Variants in EHD1 observed in about 807,000 individuals in gnomAD.
EHD1 encodes EH domain containing 1, also known as EH domain-containing protein 1.
In EHD1, 19 loss-of-function variants were observed where a neutral mutation model predicts 39.0. The ratio of observed to expected loss-of-function variants is 0.49; its 90% CI spans 0.34 to 0.72. EHD1 has a LOEUF of 0.72. Ranked by LOEUF, EHD1 falls within the 30% of genes least tolerant of loss-of-function variation. EHD1 has a pLI of 0.01. For missense variants in EHD1, 542 were observed against 751.5 expected (o/e 0.72, Z 3.26); for synonymous variants, 323 against 331.2 (o/e 0.98, Z 0.27).
intron 1 of EHD1, among the ~76,000 whole-genome samples, chr11:64,876,502 C>A (rs1297915410): frequency 6.6e-6 from 1 of 152,196 alleles, no homozygotes; most frequent in Non-Finnish European, 1.5e-5. Flanking sequence ...CATCAAAGCA[C>A]CGGTCTCGGA....
intron 2 of EHD1, among the ~76,000 whole-genome samples, chr11:64,872,247 G>A (rs531847121): frequency 6.6e-6 from 1 of 152,312 alleles, no homozygotes; most frequent in South Asian, 2.1e-4. Flanking sequence ...GATCACCTGA[G>A]GTCAGGAGTT....
intron 2 of EHD1, among the ~76,000 whole-genome samples, chr11:64,864,998 C>G (rs620066): frequency 0.75 from 114,073 of 152,242 alleles, 45,624 homozygotes; most frequent in Non-Finnish European, 0.89. Context: ...GAAGCCCTGC[C>G]CCACCTGCTC....
intron 2 of EHD1, among the ~76,000 whole-genome samples, chr11:64,869,232 C>T (rs971242624): frequency 6.6e-6 from 1 of 152,262 alleles, no homozygotes; most frequent in African/African-American, 2.4e-5. Context: ...GCGCGGGCAG[C>T]GCCTGGTACG....
chr11:64,874,633 C>T (rs976186211), intron 1 of EHD1, 115 bp from the exon 2 acceptor site: 5 of 813,086 alleles, frequency 6.1e-6, no homozygotes, highest in Middle Eastern at 2.7e-4. Context: ...TCTCCAGCAG[C>T]GGGGAACTGA....
At position 64,854,302 on chromosome 11, in the gene EHD1, G is replaced by T; in HGVS notation, c.*31C>A. The stretch of plus-strand genomic sequence containing the variant: ...CCCCGTCTCTGCCTCCCGGCCGGGC[G>T]TGCAAATGGCAGGTGCGGGGCCGGG... On this transcript the variant is annotated 3_prime_UTR_variant, in exon 5 of 5. Transcript: ENST00000320631. The T allele has an allele frequency of 6.4e-7, 1 of 1,570,290 alleles. No individual in the cohort carries two copies. The highest frequency in any genetic ancestry group is 8.6e-7 in the Non-Finnish European group (1 of 1,158,938).
intron 3 of EHD1, among the ~76,000 whole-genome samples, chr11:64,858,377 G>T (rs2136478444): frequency 6.6e-6 from 1 of 151,666 alleles, no homozygotes; most frequent in Admixed American, 6.6e-5. Flanking sequence ...TAGAGATGGG[G>T]TTTTGCCATG....
At position 64,869,865 on chromosome 11, in the gene EHD1, G is replaced by A. The variant is rs1211118262; in HGVS notation, c.502+4556C>T. ...CGGCATCTCCATCTCAGGAGGTGTC[G>A]GCAGGAAGTGGGGGCGGCCCACGGC... On this transcript the variant is annotated intron_variant, in intron 2 of 4. Coordinates refer to ENST00000320631, the MANE Select transcript of EHD1 (RefSeq NM_006795.4). Among the ~76,000 whole-genome samples the A allele has an allele frequency of 3.3e-5, 5 of 152,216 alleles. No individual in the cohort carries two copies. The South Asian group carries it at 8.3e-4, about 25-fold the overall frequency.
chr11:64,864,611 G>C (rs765095604), intron 2 of EHD1, among the ~76,000 whole-genome samples: 8 of 152,234 alleles, frequency 5.3e-5, no homozygotes, highest in Non-Finnish European at 1.5e-5. Context: ...ACGCAGGTCA[G>C]TACTGAAAAG....
Position 64,852,166 on chromosome 11 carries a change from A to T in EHD1, c.*2167T>A, listed in dbSNP as rs965477998. On this transcript the variant is annotated 3_prime_UTR_variant, in exon 5 of 5. Transcript: ENST00000320631. Reference sequence around the variant, plus strand: ...CTGCACCCTTTTATGAAGGGTCACTAATCAGTCACCCTTCCCTCTGCTGGT... The same window carrying T: ...CTGCACCCTTTTATGAAGGGTCACTTATCAGTCACCCTTCCCTCTGCTGGT... The T allele has an allele frequency of 6.6e-6, 1 of 152,234 alleles. No homozygotes were observed. Among genetic ancestry groups the T allele is most frequent in the African/African-American group, 2.4e-5 (1 of 41,440 alleles). 9.4% of individuals were successfully genotyped at this position (152,234 alleles called of 1,614,324 possible). A position where few individuals can be genotyped will look rare whatever the true frequency, so the allele number is the denominator to read the frequency against.
At chr11:64,870,237 G>A (rs149358123) in intron 2 of EHD1, among the ~76,000 whole-genome samples, 3 of 152,216 alleles carry the variant, frequency 2.0e-5, no homozygotes, top group Non-Finnish European at 2.9e-5. Context: ...GACCCAACAG[G>A]GGCAAAGGTC....
rs763144350 is a variant in EHD1, at chr11:64,860,271, C to T, written c.568G>A (p.Asp190Asn). The change falls in exon 3 of 5, where the codon GAC becomes AAC. Residue 190 changes from aspartate (D) to asparagine (N), a missense_variant. Coordinates refer to ENST00000320631, the MANE Select transcript of EHD1 (RefSeq NM_006795.4). ...ERVDRIILLF[D>N]AHKLDISDEF... ...TCGGAGATGTCCAGCTTGTGGGCGT[C>T]GAAGAGCAGGATGATGCGGTCCACA... 1 of 1,613,990 alleles carries T rather than the reference C, an allele frequency of 6.2e-7. No homozygotes were observed. The highest frequency in any genetic ancestry group is 1.1e-5 in the South Asian group (1 of 91,080).
At position 64,860,057 on chromosome 11, in the gene EHD1, G is replaced by A. The variant is rs137874978; in HGVS notation, c.782C>T (p.Pro261Leu). ...RVYIGSFWSH[P>L]LLIPDNRKLF... Reference sequence around the variant, plus strand: ...CTTGCGGTTGTCGGGGATGAGGAGCGGGTGGGACCAGAAGGAGCCGATGTA... The same window carrying A: ...CTTGCGGTTGTCGGGGATGAGGAGCAGGTGGGACCAGAAGGAGCCGATGTA... The change falls in exon 3 of 5, where the codon CCG (proline) becomes CTG (leucine). Residue 261 changes from proline to leucine, a missense_variant. Transcript: ENST00000320631. The A allele has an allele frequency of 4.3e-6, 7 of 1,614,154 alleles. No homozygotes were observed. The highest frequency in any genetic ancestry group is 2.2e-5 in the East Asian group (1 of 44,880).
intron 2 of EHD1, among the ~76,000 whole-genome samples, chr11:64,871,313 C>A (rs1943828095): frequency 6.6e-6 from 1 of 152,188 alleles, no homozygotes; most frequent in Non-Finnish European, 1.5e-5. Flanking sequence ...AGGTGGCCAG[C>A]CCTGCCGGGA....
chr11:64,879,498 G>A, upstream of EHD1: 1 of 1,466,482 alleles, frequency 6.8e-7, no homozygotes, highest in Non-Finnish European at 9.3e-7. Context: ...GGGCAACAAT[G>A]AAATCTTGTG....
At position 64,860,111 on chromosome 11, in the gene EHD1, A is replaced by G. The variant is rs1373015261; in HGVS notation, c.728T>C (p.Ile243Thr). Residue 243 changes from isoleucine to threonine, a missense_variant, in exon 3 of 5, where the codon ATC (isoleucine) becomes ACC (threonine). Transcript: ENST00000320631. ...CCTGACCACCTCGGGGGTGTTGATG[A>G]TCTTGCCCAGGGACCACATGAGGGC... ...YGALMWSLGK[I>T]INTPEVVRVY... is the part of the protein sequence containing the mutation. The G allele has an allele frequency of 1.2e-6, 2 of 1,614,078 alleles. No homozygotes were observed. The highest frequency in any genetic ancestry group is 1.7e-6 in the Non-Finnish European group (2 of 1,180,000).
In EHD1 at chr11:64,853,802, G is replaced by A. The variant is rs1943610574; in HGVS notation, c.*531C>T. The A allele has an allele frequency of 6.3e-6, 1 of 157,960 alleles. No individual in the cohort carries two copies. The highest frequency in any genetic ancestry group is 2.4e-5 in the African/African-American group (1 of 41,516). The allele number at this position is 157,960 out of a possible 1,614,324, so 9.8% of individuals were successfully genotyped here. A position where few individuals can be genotyped will look rare whatever the true frequency, so the allele number is the denominator to read the frequency against. On this transcript the variant is annotated 3_prime_UTR_variant, in exon 5 of 5. Coordinates refer to ENST00000320631, the MANE Select transcript of EHD1 (RefSeq NM_006795.4). ...GCAGGGCCCGCGCACGGGGAGCCTG[G>A]GCCCGGGAGGGGAAGGCACAAGAAC...
chr11:64,859,708 GT>G, intron 3 of EHD1: 1 of 657,040 alleles, frequency 1.5e-6, no homozygotes, highest in Non-Finnish European at 2.5e-6. Flanking sequence ...AACAGAACAG[GT>G]TTAGAGGGAG....
At chr11:64,874,744 A>G (rs190347192) in intron 1 of EHD1, among the ~76,000 whole-genome samples, 114 of 152,332 alleles carry the variant, frequency 7.5e-4, no homozygotes, top group East Asian at 3.9e-4. Flanking sequence ...GACCCAAATC[A>G]GCACTTCCTC....
rs969701520 is a variant in EHD1 at position 64,854,105 on chromosome 11, T to C, written c.*228A>G. The C allele has an allele frequency of 2.7e-6, 2 of 745,344 alleles. No homozygotes were observed. The highest frequency in any genetic ancestry group is 2.1e-6 in the Non-Finnish European group (1 of 474,308). 46.2% of individuals were successfully genotyped at this position (745,344 alleles called of 1,614,324 possible). ...ACAAAGAACGCAGCCTCTAACGTTATATATTAAAATAGCCACAGTTCTTGT... is the reference window on the plus strand; with the variant it reads ...ACAAAGAACGCAGCCTCTAACGTTACATATTAAAATAGCCACAGTTCTTGT... On this transcript the variant is annotated 3_prime_UTR_variant, in exon 5 of 5. Transcript: ENST00000320631.
Sources: gnomAD v4.1 joint callset for allele counts (sites outside exome capture counted in the v4.1 genomes callset) on GRCh38, gnomAD v4.1.1 for gene constraint, MANE v1.5 for transcripts, NCBI Gene and HGNC (gene_info 2026-07-23, HGNC 2026-07-21) for gene names.